VASH2: variants seen among roughly 807,000 people sequenced by gnomAD.
The protein encoded by VASH2 is vasohibin 2.
In VASH2, 28 loss-of-function variants were observed where a neutral mutation model predicts 37.2. That is an observed-to-expected ratio of 0.75 (90% CI 0.56 to 1.03). VASH2 has a LOEUF of 1.03. Ranked by LOEUF, VASH2 falls within the 50% of genes least tolerant of loss-of-function variation. VASH2 has a pLI of 0.00. For missense variants in VASH2, 419 were observed against 459.1 expected, an observed-to-expected ratio of 0.91 and a Z score of 0.80; for synonymous variants, 188 against 174.7, an observed-to-expected ratio of 1.08 and a Z score of -0.60.
rs765153217 is a variant in VASH2 at position 212,972,650 on chromosome 1, T to C, written c.568T>C (p.Tyr190His). The change falls in exon 6 of 8, where the codon TAC (tyrosine) becomes CAC (histidine). Residue 190 changes from tyrosine to histidine, a missense_variant. Tyr to His is a moderately conservative substitution (Grantham distance 83). Around this residue, in one of 3 missense-constraint regions of VASH2, gnomAD observed 84 missense variants for 129.9 expected, o/e 0.65. Transcript: ENST00000517399. The part of the protein sequence containing the change: ...ISFKTYFSGN[Y>H]FHHVVLGIYC... ...CTTTAAAACCTACTTCTCAGGAAAC[T>C]ACTTTCACCACGTTGTGCTGGGGAT... 1 of 1,614,194 alleles carries C rather than the reference T, an allele frequency of 6.2e-7. No homozygotes were observed. Among genetic ancestry groups the C allele is most frequent in the Admixed American group, 1.7e-5 (1 of 60,018 alleles).
At chr1:212,961,128 T>A in intron 2 of VASH2, 38 bp from the exon 3 acceptor site, 1 of 1,607,742 alleles carries the variant, frequency 6.2e-7, no homozygotes, top group Non-Finnish European at 8.5e-7. Context: ...CCAGAGCGCC[T>A]CCTTCATAAA....
intron 2 of VASH2, among the ~76,000 whole-genome samples, chr1:212,956,387 G>A (rs1666496010): frequency 6.6e-6 from 1 of 152,208 alleles, no homozygotes; most frequent in Non-Finnish European, 1.5e-5. Flanking sequence ...CAGTGCCTGT[G>A]TGAAGAGGTT....
chr1:212,959,157 T>C (rs1374961338), intron 2 of VASH2, among the ~76,000 whole-genome samples: 3 of 152,222 alleles, frequency 2.0e-5, no homozygotes, highest in Non-Finnish European at 4.4e-5. Flanking sequence ...TGTTCACGTC[T>C]CCCCTTCTCT....
rs1352275048 is a variant in VASH2, at chr1:212,955,166, C to T, written c.276+3348C>T. 5.9e-5 allele frequency among the ~76,000 whole-genome samples: 9 copies of T among 152,102 alleles called. 1 individual carries two copies. In the East Asian group the frequency reaches 1.7e-3, roughly 29 times the overall value. ...GCGGCGGTGGTAAAAGCTTGGCAGG[C>T]TTCAGGGGGATTAACCATTTTTGGC... is the stretch of plus-strand genomic sequence containing the variant. On this transcript the variant is annotated intron_variant, in intron 2 of 7. Transcript: ENST00000517399.
intron 7 of VASH2, among the ~76,000 whole-genome samples, chr1:212,980,100 G>A (rs953191303): frequency 6.6e-6 from 1 of 152,154 alleles, no homozygotes; most frequent in African/African-American, 2.4e-5. Flanking sequence ...GCCCCGCAAA[G>A]CCCAGGACCA....
chr1:212,956,946 C>T (rs1395611246), intron 2 of VASH2, among the ~76,000 whole-genome samples: 1 of 152,166 alleles, frequency 6.6e-6, no homozygotes, highest in East Asian at 1.9e-4. Flanking sequence ...CACTGTTGTG[C>T]AGCCATCACC....
chr1:212,961,140 ACCT>A, intron 2 of VASH2, 23 bp from the exon 3 acceptor site: 2 of 1,611,590 alleles, frequency 1.2e-6, no homozygotes, highest in Non-Finnish European at 1.7e-6. Context: ...CTTCATAAAC[ACCT>A]CCTCTTCTCT....
At chr1:212,968,205 T>G in intron 5 of VASH2, 1 of 985,412 alleles carries the variant, frequency 1.0e-6, no homozygotes, top group Non-Finnish European at 1.2e-6. Context: ...AATGCGAATT[T>G]AGGAGCTGTG....
At chr1:212,982,319 C>T (rs1341960747) in intron 7 of VASH2, among the ~76,000 whole-genome samples, 1 of 152,184 alleles carries the variant, frequency 6.6e-6, no homozygotes, top group African/African-American at 2.4e-5. Context: ...CAAAATGTTG[C>T]CGGAGAACCT....
intron 4 of VASH2, 130 bp downstream of exon 4, chr1:212,965,908 G>T: frequency 4.4e-6 from 4 of 912,778 alleles, no homozygotes; most frequent in East Asian, 5.3e-5. Context: ...GAGGCGGAGG[G>T]TGCCCCAGGG....
chr1:212,959,038 C>T (rs1292609371), intron 2 of VASH2, among the ~76,000 whole-genome samples: 2 of 152,120 alleles, frequency 1.3e-5, no homozygotes, highest in Admixed American at 6.6e-5. Flanking sequence ...CTGCGTATGT[C>T]TTAATAAACT....
intron 3 of VASH2, among the ~76,000 whole-genome samples, chr1:212,963,454 A>G (rs1006302129): frequency 2.0e-5 from 3 of 152,110 alleles, no homozygotes; most frequent in Non-Finnish European, 2.9e-5. Context: ...AGGTGCCAGG[A>G]TATGGGGACT....
At position 212,965,622 on chromosome 1, in the gene VASH2, A is replaced by G. The variant is rs543136856; in HGVS notation, c.366-100A>G. On this transcript the variant is annotated intron_variant, in intron 3 of 7. Coordinates refer to ENST00000517399, the MANE Select transcript of VASH2 (RefSeq NM_001301056.2). ...GCTGGCGACTTCTGAAAGCCCTCAC[A>G]TCCTCATCTCATTGAGAAATCAGAA... 2.0e-4 allele frequency: 235 copies of G among 1,147,254 alleles called. 2 individuals carry two copies. In the South Asian group the frequency reaches 2.6e-3, roughly 13 times the overall value. The allele number at this position is 1,147,254 out of a possible 1,614,324, so 71.1% of individuals were successfully genotyped here. A position where few individuals can be genotyped will look rare whatever the true frequency, so the allele number is the denominator to read the frequency against.
chr1:212,978,450 T>C (rs1010765063), intron 7 of VASH2, among the ~76,000 whole-genome samples: 1 of 152,144 alleles, frequency 6.6e-6, no homozygotes, highest in African/African-American at 2.4e-5. Flanking sequence ...GGGAATTCTC[T>C]TCCATCACCC....
chr1:212,961,765 A>C (rs1371289825), intron 3 of VASH2, among the ~76,000 whole-genome samples: 1 of 152,000 alleles, frequency 6.6e-6, no homozygotes, highest in African/African-American at 2.4e-5. Flanking sequence ...ACCACACCTG[A>C]CTAATTTTTG....
intron 5 of VASH2, chr1:212,968,906 G>A (rs41277154): frequency 0.065 from 63,991 of 985,360 alleles, 2,277 homozygotes; most frequent in Middle Eastern, 0.087. Context: ...TTAGGTCATT[G>A]AAATGACCAC....
chr1:212,964,923 T>TTG, intron 3 of VASH2, among the ~76,000 whole-genome samples: 1 of 131,020 alleles, frequency 7.6e-6, no homozygotes, highest in East Asian at 2.3e-4. Context: ...TTCTGCCAGG[T>TTG]TTTTTTTTTT....
chr1:212,969,149 T>G (rs1666931875), intron 5 of VASH2: 1 of 985,252 alleles, frequency 1.0e-6, no homozygotes, highest in African/African-American at 1.7e-5. Flanking sequence ...TCAGGGAAAT[T>G]TGACTCTTGC....
intron 5 of VASH2, chr1:212,967,598 T>C: frequency 3.5e-6 from 1 of 289,396 alleles, no homozygotes; most frequent in Non-Finnish European, 5.7e-6. Flanking sequence ...CTTAGGTATA[T>C]GCTCTAGAGA....
Sources: gnomAD v4.1 joint callset for allele counts (sites outside exome capture counted in the v4.1 genomes callset) on GRCh38, gnomAD v4.1.1 for gene constraint, gnomAD v4.1.1 regional missense constraint, MANE v1.5 for transcripts, NCBI Gene and HGNC (gene_info 2026-07-23, HGNC 2026-07-21) for gene names.